DMD: variants seen among roughly 807,000 people sequenced by gnomAD.
DMD encodes mutant dystrophin.
Under a neutral mutation model 330.1 loss-of-function variants are expected in DMD, and 63 were observed. That is an observed-to-expected ratio of 0.19 (90% CI 0.16 to 0.24). The LOEUF is 0.24. Among genes scored for constraint, DMD ranks in the 10% least tolerant of loss-of-function variants. DMD has a pLI of 1.00. For missense variants in DMD, 3,344 were observed against 2,684.1 expected (o/e 1.25, Z -5.43); for synonymous variants, 1,223 against 959.8 (o/e 1.27, Z -5.07).
intron 5 of DMD, among the ~76,000 whole-genome samples, chrX:32,820,735 A>T (rs1440387199): frequency 8.9e-6 from 1 of 111,833 alleles, no homozygotes. Flanking sequence ...TCTAGGAATT[A>T]TTTGTTACTA....
intron 9 of DMD, among the ~76,000 whole-genome samples, chrX:32,671,421 G>C (rs1386220645): frequency 1.8e-5 from 2 of 110,847 alleles, no homozygotes; most frequent in African/African-American, 6.5e-5. Context: ...CTTCAAAATT[G>C]ACCCTATATA....
intron 7 of DMD, among the ~76,000 whole-genome samples, chrX:32,721,231 T>A (rs1189183948): frequency 9.0e-6 from 1 of 110,758 alleles, no homozygotes; most frequent in Non-Finnish European, 1.9e-5. Context: ...AGGAGTGGGA[T>A]TGTTGGGTCA....
At chrX:33,296,359 A>T (rs1291718362) in intron 1 of DMD, among the ~76,000 whole-genome samples, 2 of 111,268 alleles carry the variant, frequency 1.8e-5, no homozygotes, top group African/African-American at 6.5e-5. Flanking sequence ...AAATTATAGC[A>T]GTTTCATAAA....
intron 56 of DMD, among the ~76,000 whole-genome samples, chrX:31,503,551 C>T (rs1221494682): frequency 9.0e-6 from 1 of 111,620 alleles, no homozygotes; most frequent in Non-Finnish European, 1.9e-5. Flanking sequence ...TAAGCATAGC[C>T]CTATAAAGCA....
chrX:31,886,266 T>C (rs1037299242), intron 47 of DMD, among the ~76,000 whole-genome samples: 20 of 111,204 alleles, frequency 1.8e-4, no homozygotes, highest in African/African-American at 5.5e-4. Flanking sequence ...TGTAAAAAAA[T>C]TGAACTATAA....
chrX:31,913,658 T>C (rs1372442013), intron 47 of DMD, among the ~76,000 whole-genome samples: 1 of 111,023 alleles, frequency 9.0e-6, no homozygotes, highest in Non-Finnish European at 1.9e-5. Flanking sequence ...TTAATATGAC[T>C]GAGTTGTGGT....
chrX:32,534,533 G>A lies in DMD; in HGVS notation c.2168+10626C>T, dbSNP rs377306053. Among the ~76,000 whole-genome samples the A allele has an allele frequency of 5.4e-5, 6 of 111,145 alleles. No individual in the cohort carries two copies. The South Asian group carries it at 1.9e-3, about 35-fold the overall frequency. On this transcript the variant is annotated intron_variant, in intron 17 of 78. Coordinates refer to ENST00000357033, the MANE Select transcript of DMD (RefSeq NM_004006.3). ...TCCTGAGACCTCCCCAGAAGCAGAC[G>A]CCACCATGCTTCCTCTACAGCTTGC...
intron 9 of DMD, among the ~76,000 whole-genome samples, chrX:32,692,400 C>G (rs752051220): frequency 3.0e-4 from 33 of 111,536 alleles, no homozygotes; most frequent in Non-Finnish European, 5.7e-4. Flanking sequence ...TACTTTTAAT[C>G]TAAGGAGTGG....
At chrX:32,859,288 T>G (rs1388056206) in intron 2 of DMD, among the ~76,000 whole-genome samples, 1 of 109,628 alleles carries the variant, frequency 9.1e-6, no homozygotes, top group African/African-American at 3.3e-5. Flanking sequence ...GCCAACATGG[T>G]CAAACCATGT....
intron 2 of DMD, among the ~76,000 whole-genome samples, chrX:32,902,479 C>A (rs1360749138): frequency 2.7e-5 from 3 of 110,595 alleles, no homozygotes; most frequent in Non-Finnish European, 5.7e-5. Flanking sequence ...TGGAAATTAG[C>A]AACACACATT....
At position 32,969,742 on chromosome X, in the gene DMD, T is replaced by C. The variant is rs752566965; in HGVS notation, c.93+50397A>G. Among the ~76,000 whole-genome samples the C allele has an allele frequency of 3.1e-4, 29 of 94,901 alleles. 9 individuals carry two copies. The highest frequency in any genetic ancestry group is 1.4e-3 in the African/African-American group (29 of 21,072). 82.4% of individuals were successfully genotyped at this position (94,901 alleles called of 115,157 possible). On this transcript the variant is annotated intron_variant, in intron 2 of 78. Coordinates refer to ENST00000357033, the MANE Select transcript of DMD (RefSeq NM_004006.3). ...ATATGTTCTACTTTTGTGCAATTAA[T>C]ACTACATAACGATCACATTTCAACA...
chrX:32,405,243 G>A (rs753917487), intron 30 of DMD, among the ~76,000 whole-genome samples: 2 of 111,596 alleles, frequency 1.8e-5, no homozygotes, highest in South Asian at 7.4e-4. Context: ...GCTCAGCATG[G>A]TTACTTAGAC....
intron 17 of DMD, among the ~76,000 whole-genome samples, chrX:32,525,026 C>G (rs2046813892): frequency 8.9e-6 from 1 of 111,930 alleles, no homozygotes. Flanking sequence ...TGAGTTTGGA[C>G]TCTTCTCACC....
At chrX:33,242,569 C>G (rs745438320) in intron 1 of DMD, among the ~76,000 whole-genome samples, 1 of 111,799 alleles carries the variant, frequency 8.9e-6, no homozygotes, top group Non-Finnish European at 1.9e-5. Flanking sequence ...GTGCAAGTAT[C>G]TTTTACATAT....
chrX:31,152,467 G>A, intron 74 of DMD, among the ~76,000 whole-genome samples: 1 of 111,481 alleles, frequency 9.0e-6, no homozygotes, highest in Non-Finnish European at 1.9e-5. Flanking sequence ...CCTGGTCTGA[G>A]CATCTTAAAT....
intron 2 of DMD, among the ~76,000 whole-genome samples, chrX:32,966,129 T>C (rs1462966187): frequency 8.9e-6 from 1 of 112,058 alleles, no homozygotes; most frequent in Non-Finnish European, 1.9e-5. Flanking sequence ...AAATATTAAC[T>C]TCATCTTTTA....
intron 29 of DMD, among the ~76,000 whole-genome samples, chrX:32,430,973 T>C (rs2098235811): frequency 8.9e-6 from 1 of 112,231 alleles, no homozygotes; most frequent in African/African-American, 3.2e-5. Flanking sequence ...AATGGACATT[T>C]AGGTTGTCTC....
intron 9 of DMD, among the ~76,000 whole-genome samples, chrX:32,649,251 G>A (rs1174478708): frequency 9.1e-6 from 1 of 109,649 alleles, no homozygotes; most frequent in East Asian, 2.8e-4. Flanking sequence ...TGAAGACATC[G>A]CTCATTAAAA....
In DMD at chrX:32,362,905, G is replaced by T. The variant is rs144717862; in HGVS notation, c.5208C>A (p.Asp1736Glu). 9 of 1,208,785 alleles carry T rather than the reference G, an allele frequency of 7.4e-6. No homozygotes were observed. The African/African-American group carries it at 1.4e-4, about 19-fold the overall frequency. ...DIRPKVDSTR[D>E]QAANLMANRG... Reference sequence around the variant, plus strand: ...GGTTTGCCATCAAGTTTGCTGCTTGGTCACGTGTAGAGTCCACCTTTGGGC... The same window carrying T: ...GGTTTGCCATCAAGTTTGCTGCTTGTTCACGTGTAGAGTCCACCTTTGGGC... The change falls in exon 37 of 79, where the codon GAC (aspartate) becomes GAA (glutamate). Residue 1736 changes from aspartate (D) to glutamate (E), a missense_variant. By Grantham distance (45) the Asp-to-Glu change is conservative. Transcript: ENST00000357033.
Sources: allele counts gnomAD v4.1 joint callset (sites outside exome capture counted in the v4.1 genomes callset), GRCh38; gene constraint gnomAD v4.1.1; transcripts MANE v1.5; gene names NCBI Gene and HGNC (gene_info 2026-07-23, HGNC 2026-07-21).